NSMCE4A: variants seen among roughly 807,000 people sequenced by gnomAD.
NSMCE4A encodes the protein non-structural maintenance of chromosomes element 4 homolog A.
A neutral mutation model predicts 47.9 loss-of-function variants in NSMCE4A; 40 were observed. That is an observed-to-expected ratio of 0.83 (90% CI 0.65 to 1.09). The LOEUF is 1.09. Among genes scored for constraint, NSMCE4A ranks in the 50% least tolerant of loss-of-function variants. NSMCE4A has a pLI of 0.00. For synonymous variants in NSMCE4A, 166 were observed against 178.5 expected (o/e 0.93, Z 0.56); for missense variants, 500 against 507.0 (o/e 0.99, Z 0.13).
chr10:121,966,585 CAG>C (rs1390491699), intron 4 of NSMCE4A: 1 of 152,182 alleles, frequency 6.6e-6, no homozygotes, highest in Non-Finnish European at 1.5e-5. Flanking sequence ...AAATAGATGC[CAG>C]ACCCCACACC....
At position 121,974,968 on chromosome 10, in the gene NSMCE4A, C is replaced by T. The variant is rs780622823; in HGVS notation, c.198G>A (p.Glu66=). The change falls in exon 1 of 11, where the codon GAG becomes GAA. Residue 66 remains glutamate (E), a synonymous_variant. Transcript: ENST00000369023. ...CCTCCAAGCTGGCCGGGTCCATCAT[C>T]TCGTCCCCGGAATCCGACGGCTCTG... The part of the protein sequence containing the change: ...EDTEPSDSGD[E]MMDPASLEAE... 3 of 1,528,220 alleles carry T rather than the reference C, an allele frequency of 2.0e-6. No individual in the cohort carries two copies. The East Asian group carries it at 8.2e-5, about 42-fold the overall frequency. 94.7% of individuals were successfully genotyped at this position (1,528,220 alleles called of 1,614,324 possible).
At position 121,960,236 on chromosome 10, in the gene NSMCE4A, A is replaced by T; in HGVS notation, c.988+122T>A. Reference sequence around the variant, plus strand: ...TTCAGTATCTTCAGGTAGTTGAGCAAGATACAATATTGTAAAAGTTAATCT... The same window carrying T: ...TTCAGTATCTTCAGGTAGTTGAGCATGATACAATATTGTAAAAGTTAATCT... On this transcript the variant is annotated intron_variant, in intron 8 of 10. Transcript: ENST00000369023. This position sits in a 1 kb window ranked among gnomAD's most constrained non-coding sequence, Gnocchi z 4.2. 1 of 645,522 alleles carries T rather than the reference A, an allele frequency of 1.5e-6. No individual in the cohort carries two copies. Among genetic ancestry groups the T allele is most frequent in the Non-Finnish European group, 2.4e-6 (1 of 417,276 alleles). The allele number at this position is 645,522 out of a possible 1,614,324, so 40.0% of individuals were successfully genotyped here.
At chr10:121,974,714 C>T in intron 1 of NSMCE4A, 160 bp downstream of exon 1, 11 of 1,132,102 alleles carry the variant, frequency 9.7e-6, no homozygotes, top group Non-Finnish European at 1.2e-5. Flanking sequence ...ACTTTGTCAA[C>T]AATTTAAGGT....
At chr10:121,961,370 G>A in intron 7 of NSMCE4A, 53 bp downstream of exon 7, 1 of 1,252,084 alleles carries the variant, frequency 8.0e-7, no homozygotes. Flanking sequence ...CTTTTCTTAT[G>A]TAGCCTTTTA....
At chr10:121,972,499 T>C (rs1952734431) in intron 2 of NSMCE4A, among the ~76,000 whole-genome samples, 2 of 152,288 alleles carry the variant, frequency 1.3e-5, no homozygotes, top group Non-Finnish European at 2.9e-5. Flanking sequence ...ATCAAATCCA[T>C]GAATGCCAGC....
chr10:121,974,717 T>C, intron 1 of NSMCE4A, 157 bp downstream of exon 1: 4 of 1,132,062 alleles, frequency 3.5e-6, no homozygotes, highest in Non-Finnish European at 4.3e-6. Context: ...TTGTCAACAA[T>C]TTAAGGTGCG....
intron 3 of NSMCE4A, among the ~76,000 whole-genome samples, chr10:121,969,927 G>C (rs137944929): frequency 1.3e-5 from 2 of 152,082 alleles, no homozygotes; most frequent in Non-Finnish European, 2.9e-5. Context: ...TGGTGGCCAG[G>C]CTGGTCTGAA....
intron 5 of NSMCE4A, 50 bp from the exon 6 acceptor site, chr10:121,963,378 C>T (rs377354473): frequency 1.6e-4 from 173 of 1,074,664 alleles, no homozygotes; most frequent in Non-Finnish European, 2.2e-4. Flanking sequence ...GGCCTATTAA[C>T]GTTTTCTTCT....
intron 8 of NSMCE4A, chr10:121,959,952 C>A (rs1952468567): frequency 6.3e-6 from 2 of 318,880 alleles, no homozygotes. Context: ...CACAGGAGAC[C>A]TTAGGAGGAC....
In NSMCE4A at chr10:121,974,791, C is replaced by T. The variant is rs372528063; in HGVS notation, c.292+83G>A. ...CGCCGGGCCTCCGCCCGGCACCTGC[C>T]TCCGGTGCCCTCCCCCCGCGCCCGG... is the stretch of plus-strand genomic sequence containing the variant. On this transcript the variant is annotated intron_variant, in intron 1 of 10. Coordinates refer to ENST00000369023, the MANE Select transcript of NSMCE4A (RefSeq NM_017615.3). 3,263 of 1,216,150 alleles carry T rather than the reference C, an allele frequency of 2.7e-3. 6 individuals carry two copies. Among genetic ancestry groups the T allele is most frequent in the Middle Eastern group, 8.1e-3 (25 of 3,068 alleles). 75.3% of individuals were successfully genotyped at this position (1,216,150 alleles called of 1,614,324 possible). A position where few individuals can be genotyped will look rare whatever the true frequency, so the allele number is the denominator to read the frequency against.
intron 6 of NSMCE4A, 72 bp from the exon 7 acceptor site, chr10:121,961,589 G>C: frequency 1.1e-6 from 1 of 921,448 alleles, no homozygotes; most frequent in African/African-American, 1.7e-5. Flanking sequence ...GCGTTAGCCA[G>C]AGACAAAGAA....
intron 3 of NSMCE4A, among the ~76,000 whole-genome samples, chr10:121,970,435 G>A (rs1952685198): frequency 7.2e-6 from 1 of 138,336 alleles, no homozygotes; most frequent in Admixed American, 8.0e-5. Flanking sequence ...TCACGCCACT[G>A]CACTCCAGCC....
At chr10:121,957,429 C>CTTTTTT (rs34808169) in intron 10 of NSMCE4A, among the ~76,000 whole-genome samples, 170 bp from the exon 11 acceptor site, 4 of 98,352 alleles carry the variant, frequency 4.1e-5, no homozygotes, top group African/African-American at 1.1e-4. Context: ...CTTCTTTTTT[C>CTTTTTT]TTTTTTTTTT....
intron 2 of NSMCE4A, among the ~76,000 whole-genome samples, chr10:121,971,517 C>T (rs1952712269): frequency 6.6e-6 from 1 of 151,664 alleles, no homozygotes; most frequent in South Asian, 2.1e-4. Context: ...AAAACAAAAA[C>T]AAAAACAAAA....
chr10:121,965,053 T>C, intron 5 of NSMCE4A, among the ~76,000 whole-genome samples: 1 of 152,158 alleles, frequency 6.6e-6, no homozygotes, highest in East Asian at 1.9e-4. Context: ...TTGACAGTGC[T>C]GAGGTTGACC....
chr10:121,972,655 A>G (rs1224976333), intron 2 of NSMCE4A, among the ~76,000 whole-genome samples: 1 of 152,184 alleles, frequency 6.6e-6, no homozygotes, highest in Non-Finnish European at 1.5e-5. Flanking sequence ...TCAAGGGAGT[A>G]ATTGAGTCAA....
At chr10:121,963,360 T>G (rs370872884) in intron 5 of NSMCE4A, 32 bp from the exon 6 acceptor site, 1 of 1,272,114 alleles carries the variant, frequency 7.9e-7, no homozygotes, top group Non-Finnish European at 1.1e-6. Context: ...CTGACAGACC[T>G]ACTTACTGGC....
intron 4 of NSMCE4A, chr10:121,966,094 A>C (rs1564994946): frequency 2.0e-5 from 3 of 152,186 alleles, no homozygotes; most frequent in Non-Finnish European, 4.4e-5. Context: ...TAAAAAAATA[A>C]ATTAATCAAA....
At chr10:121,963,404 A>C in intron 5 of NSMCE4A, 76 bp from the exon 6 acceptor site, 2 of 781,668 alleles carry the variant, frequency 2.6e-6, no homozygotes, top group Non-Finnish European at 4.2e-6. Flanking sequence ...GCACACCCAA[A>C]CTCCTTTTCT....
Sources: gnomAD v4.1 joint callset for allele counts (sites outside exome capture counted in the v4.1 genomes callset) on GRCh38, gnomAD v4.1.1 for gene constraint, Gnocchi (gnomAD v3.1) non-coding constraint, MANE v1.5 for transcripts, NCBI Gene and HGNC (gene_info 2026-07-23, HGNC 2026-07-21) for gene names.